The following SRGAP2B variants were observed in gnomAD, a reference collection of about 807,000 sequenced individuals.
The protein encoded by SRGAP2B is SLIT-ROBO Rho GTPase-activating protein 2B.
SRGAP2B carries 9 observed loss-of-function variants against 22.2 expected under a neutral mutation model. The observed-to-expected ratio is 0.41, with a 90% CI of 0.24 to 0.71. The LOEUF is 0.71. Ranked by LOEUF, SRGAP2B falls within the 30% of genes least tolerant of loss-of-function variation. The pLI is 0.35. For missense variants in SRGAP2B, 114 were observed against 235.8 expected (o/e 0.48, Z 3.38); for synonymous variants, 36 against 87.4 (o/e 0.41, Z 3.28).
intron 2 of SRGAP2B, among the ~76,000 whole-genome samples, chr1:145,044,835 A>G (rs1312607398): frequency 6.7e-6 from 1 of 148,618 alleles, no homozygotes; most frequent in Non-Finnish European, 1.5e-5. Context: ...GGATATAGGG[A>G]GGTGCCAAGT....
At chr1:145,066,607 T>A (rs1216604587) in intron 2 of SRGAP2B, among the ~76,000 whole-genome samples, 1 of 150,496 alleles carries the variant, frequency 6.6e-6, no homozygotes, top group African/African-American at 2.4e-5. Flanking sequence ...CTTCAGACTA[T>A]CTGCTTGCTC....
intron 4 of SRGAP2B, among the ~76,000 whole-genome samples, chr1:144,925,098 G>T (rs1194976511): frequency 6.7e-6 from 1 of 148,906 alleles, no homozygotes; most frequent in Non-Finnish European, 1.5e-5. Flanking sequence ...CGCCTCCTGG[G>T]TTCAAGTGAT....
chr1:144,941,015 G>C lies in SRGAP2B; in HGVS notation c.423+14424C>G, dbSNP rs1218951932. Among the ~76,000 whole-genome samples the C allele has an allele frequency of 7.0e-4, 105 of 149,734 alleles. 2 individuals are homozygous for C. The highest frequency in any genetic ancestry group is 1.9e-4 in the Non-Finnish European group (13 of 67,842). Reference sequence around the variant, plus strand: ...TAACTCTCATTTTTAAAAAAAATGTGTATAAAAAAGATTGGAAGGAAATAC... The same window carrying C: ...TAACTCTCATTTTTAAAAAAAATGTCTATAAAAAAGATTGGAAGGAAATAC... On this transcript the variant is annotated intron_variant, in intron 4 of 9. Coordinates refer to ENST00000612199, the Ensembl canonical transcript of SRGAP2B.
In SRGAP2B at chr1:144,966,678, T is replaced by G. The variant is rs1668107567; in HGVS notation, c.261-11077A>C. On this transcript the variant is annotated intron_variant, in intron 3 of 9. Coordinates refer to ENST00000612199, the Ensembl canonical transcript of SRGAP2B. ...AATGTAAATGGGCTAAATGCTCCAA[T>G]TAAAAGACACAGACTGGCAAATGGA... is the stretch of plus-strand genomic sequence containing the variant. Among the ~76,000 whole-genome samples, 2 of 146,644 alleles carry G rather than the reference T, an allele frequency of 1.4e-5. 1 individual carries two copies. Among genetic ancestry groups the G allele is most frequent in the African/African-American group, 5.5e-5 (2 of 36,346 alleles).
At chr1:144,892,745 AAC>A (rs1228350954) in intron 9 of SRGAP2B, among the ~76,000 whole-genome samples, 1 of 141,490 alleles carries the variant, frequency 7.1e-6, no homozygotes, top group African/African-American at 2.8e-5. Flanking sequence ...CCCTCATACA[AAC>A]AGCTAATTAA....
At chr1:144,959,352 T>C (rs1424652737) in intron 3 of SRGAP2B, among the ~76,000 whole-genome samples, 1 of 146,858 alleles carries the variant, frequency 6.8e-6, no homozygotes, top group Non-Finnish European at 1.5e-5. Flanking sequence ...ATCTTCTTTT[T>C]TCCATCTAAA....
rs2919084 is a variant in SRGAP2B, at chr1:144,931,562, T to C, written c.424-16808A>G. Among the ~76,000 whole-genome samples, 17 of 150,998 alleles carry C rather than the reference T, an allele frequency of 1.1e-4. No individual in the cohort carries two copies. In the Middle Eastern group the frequency reaches 0.01, roughly 92 times the overall value. ...TCCATCTGTTAAAAAGAGAATCATA[T>C]AAGCAGAACTATAAAAATAAGCTGC... is the stretch of plus-strand genomic sequence containing the variant. On this transcript the variant is annotated intron_variant, in intron 4 of 9. Coordinates refer to ENST00000612199, the Ensembl canonical transcript of SRGAP2B.
chr1:144,926,756 C>T (rs1435292943), intron 4 of SRGAP2B, among the ~76,000 whole-genome samples: 1,772 of 129,524 alleles, frequency 0.014, no homozygotes, highest in African/African-American at 0.05. Context: ...ATACTTGGGA[C>T]GCTGAGGTGG....
intron 2 of SRGAP2B, among the ~76,000 whole-genome samples, chr1:145,030,721 AATATATATATAT>A (rs1161032950): frequency 1.4e-4 from 2 of 14,492 alleles, no homozygotes; most frequent in East Asian, 2.0e-3. Context: ...AAAAAAAAAA[AATATATATATAT>A]ATATATATAT....
chr1:144,934,398 C>A (rs1237126855), intron 4 of SRGAP2B, among the ~76,000 whole-genome samples: 1 of 101,452 alleles, frequency 9.9e-6, no homozygotes. Context: ...AGCAAAACTC[C>A]ATCTCAAAAA....
At chr1:144,995,059 A>G in exon 3 of SRGAP2B, 1 of 1,543,014 alleles carries the variant, frequency 6.5e-7, no homozygotes, top group Non-Finnish European at 8.7e-7. Context: ...GCGTTCTGCC[A>G]GCTTCTCCAG....
At chr1:145,009,370 C>T (rs1354654836) in intron 2 of SRGAP2B, among the ~76,000 whole-genome samples, 1 of 149,592 alleles carries the variant, frequency 6.7e-6, no homozygotes. Context: ...GGGCGGATCA[C>T]GAGGTCAGGA....
chr1:144,948,804 T>C lies in SRGAP2B; in HGVS notation c.423+6635A>G, dbSNP rs587598414. 1.5e-4 allele frequency among the ~76,000 whole-genome samples: 4 copies of C among 26,538 alleles called. No homozygotes were observed. In the East Asian group the frequency reaches 4.8e-3, roughly 32 times the overall value. The allele number at this position is 26,538 out of a possible 152,430, so 17.4% of individuals were successfully genotyped here. ...TTGCATTTACAGCCCACCCAGCTAA[T>C]TAAGCATAATATCCCCATCACAAGA... On this transcript the variant is annotated intron_variant, in intron 4 of 9. Transcript: ENST00000612199.
At chr1:144,988,058 G>A (rs1276741278) in intron 3 of SRGAP2B, among the ~76,000 whole-genome samples, 2 of 147,484 alleles carry the variant, frequency 1.4e-5, no homozygotes. Flanking sequence ...GGATAATTTG[G>A]AATTTCACAT....
intron 3 of SRGAP2B, among the ~76,000 whole-genome samples, chr1:144,992,386 C>T (rs1553617441): frequency 2.0e-5 from 3 of 150,900 alleles, no homozygotes. Flanking sequence ...ACAAATACGT[C>T]CATAAGCTGA....
chr1:145,031,822 G>A (rs1404279482), intron 2 of SRGAP2B, among the ~76,000 whole-genome samples: 1 of 140,026 alleles, frequency 7.1e-6, no homozygotes, highest in Non-Finnish European at 1.5e-5. Context: ...ACTCCAGCCT[G>A]GGCGACAGAG....
chr1:144,988,994 C>T (rs587626003), intron 3 of SRGAP2B, among the ~76,000 whole-genome samples: 26 of 133,294 alleles, frequency 2.0e-4, no homozygotes, highest in African/African-American at 6.8e-4. Flanking sequence ...TTTCCACTCC[C>T]CCCACTTTTT....
At chr1:145,058,617 C>CTTTTT (rs1158243067) in intron 2 of SRGAP2B, among the ~76,000 whole-genome samples, 2 of 48,312 alleles carry the variant, frequency 4.1e-5, no homozygotes, top group African/African-American at 9.4e-5. Context: ...CAGTCAATGT[C>CTTTTT]TTTTTTTTTT....
intron 2 of SRGAP2B, among the ~76,000 whole-genome samples, chr1:145,044,955 T>G (rs587673224): frequency 3.4e-4 from 52 of 150,752 alleles, no homozygotes; most frequent in African/African-American, 1.2e-3. Context: ...GAACTTCCTT[T>G]GCAGTCATAA....
Sources: allele counts gnomAD v4.1 joint callset (sites outside exome capture counted in the v4.1 genomes callset), GRCh38; gene constraint gnomAD v4.1.1; transcripts MANE v1.5; gene names NCBI Gene and HGNC (gene_info 2026-07-23, HGNC 2026-07-21).